Variants in ACADVL observed in about 807,000 individuals in gnomAD.
ACADVL encodes very long-chain acyl-CoA dehydrogenase, mitochondrial.
In ACADVL, 73 loss-of-function variants were observed where a neutral mutation model predicts 80.4. The observed-to-expected ratio is 0.91, with a 90% CI of 0.75 to 1.10. The LOEUF (loss-of-function observed/expected upper bound fraction) is 1.10, where lower values mean the gene tolerates loss of function less well. Ranked by LOEUF, ACADVL falls within the 50% of genes least tolerant of loss-of-function variation. The pLI, the probability that ACADVL is intolerant of heterozygous loss-of-function variation, is 0.00. For missense variants in ACADVL, 878 were observed against 858.9 expected, an observed-to-expected ratio of 1.02 and a Z score of -0.28; for synonymous variants, 392 against 326.5, an observed-to-expected ratio of 1.20 and a Z score of -2.16.
At position 7,223,705 on chromosome 17, in the gene ACADVL, C is replaced by T; in HGVS notation, c.1244C>T (p.Ala415Val). The T allele has an allele frequency of 3.1e-6, 5 of 1,614,150 alleles. No homozygotes were observed. The highest frequency in any genetic ancestry group is 3.4e-6 in the Non-Finnish European group (4 of 1,180,040). The change falls in exon 12 of 20, where the codon GCC becomes GTC. Residue 415 changes from alanine (A) to valine (V), a missense_variant. Coordinates refer to ENST00000356839, the MANE Select transcript of ACADVL (RefSeq NM_000018.4). ...GGAGCCACGGACTTCCAGATAGAGG[C>T]CGCCATCAGCAAAATCTTTGGCTCG... Reference protein sequence around the residue: ...DQGATDFQIEAAISKIFGSEA... With the variant: ...DQGATDFQIEVAISKIFGSEA...
At position 7,224,241 on chromosome 17, in the gene ACADVL, G is replaced by T; in HGVS notation, c.1530G>T (p.Arg510Ser). ...LLLGEAGKQL[R>S]RRAGLGSGLS... ...TAGGAGAGGCAGGCAAACAGCTGAG[G>T]CGGTAGGCTTAGGGCCAGAGCCAGG... is the stretch of plus-strand genomic sequence containing the variant. The change falls in exon 15 of 20, where the codon AGG becomes AGT. Residue 510 changes from arginine (R) to serine (S), a missense_variant and splice_region_variant. Physicochemically the swap from Arg to Ser is moderately radical, Grantham distance 110. Coordinates refer to ENST00000356839, the MANE Select transcript of ACADVL (RefSeq NM_000018.4). 6.2e-7 allele frequency: 1 copy of T among 1,613,876 alleles called. No individual in the cohort carries two copies. The highest frequency in any genetic ancestry group is 2.2e-5 in the East Asian group (1 of 44,880).
chr17:7,217,312 A>G, upstream of ACADVL: 1 of 690,618 alleles, frequency 1.4e-6, no homozygotes, highest in Non-Finnish European at 1.9e-6. Context: ...TGGAGAAGGG[A>G]AGGGGAGGGG....
At chr17:7,221,416 C>T in intron 6 of ACADVL, 122 bp from the exon 7 acceptor site, 1 of 1,453,684 alleles carries the variant, frequency 6.9e-7, no homozygotes, top group Non-Finnish European at 9.6e-7. Context: ...TGGCCCAGGT[C>T]AGGCACTGCC....
At chr17:7,219,845 G>A (rs2071094657), upstream of ACADVL, 8 of 1,538,290 alleles carry the variant, frequency 5.2e-6, no homozygotes, top group Non-Finnish European at 6.1e-6. Context: ...ACAGCTCCCA[G>A]CATGCCCCGG....
intron 10 of ACADVL, 102 bp downstream of exon 10, chr17:7,222,967 C>T: frequency 6.7e-7 from 1 of 1,490,016 alleles, no homozygotes; most frequent in Non-Finnish European, 9.2e-7. Context: ...ACACTAGAAA[C>T]TCCTCCCCTA....
chr17:7,219,834 T>C (rs1024676782), upstream of ACADVL: 29 of 1,537,336 alleles, frequency 1.9e-5, no homozygotes, highest in Non-Finnish European at 2.4e-5. Context: ...TCCAGGGAAC[T>C]ACAGCTCCCA....
At chr17:7,217,932 G>C, upstream of ACADVL, 1 of 1,043,066 alleles carries the variant, frequency 9.6e-7, no homozygotes, top group Non-Finnish European at 1.4e-6. Context: ...CGGGTGTGAG[G>C]GAGGAGCTGA....
rs2071198026 is a variant in ACADVL, at chr17:7,221,191, GT to G, written c.477+135del. On this transcript the variant is annotated intron_variant, in intron 6 of 19. Coordinates refer to ENST00000356839, the MANE Select transcript of ACADVL (RefSeq NM_000018.4). ...TGCCCTGGGTGCCTGTGGGATGGAT[GT>G]TAACTGTCCAAACATAACACAATTT... 2.8e-6 allele frequency: 4 copies of G among 1,441,962 alleles called. No individual in the cohort carries two copies. The Admixed American group carries it at 5.6e-5, about 20-fold the overall frequency. 89.3% of individuals were successfully genotyped at this position (1,441,962 alleles called of 1,614,324 possible). A position where few individuals can be genotyped will look rare whatever the true frequency, so the allele number is the denominator to read the frequency against.
In ACADVL at chr17:7,224,666, T is replaced by C; in HGVS notation, c.1703T>C (p.Leu568Pro). 7.6e-7 allele frequency: 1 copy of C among 1,308,696 alleles called. No individual in the cohort carries two copies. 81.1% of individuals were successfully genotyped at this position (1,308,696 alleles called of 1,614,324 possible). A position where few individuals can be genotyped will look rare whatever the true frequency, so the allele number is the denominator to read the frequency against. ...GATGAACAGTTTCTGCTGCAGCGGCTGGCAGACGGGGCCATCGACCTCTAT... is the reference window on the plus strand; with the variant it reads ...GATGAACAGTTTCTGCTGCAGCGGCCGGCAGACGGGGCCATCGACCTCTAT... ...IVNEQFLLQR[L>P]ADGAIDLYAM... is the part of the protein sequence containing the mutation. The change falls in exon 18 of 20, where the codon CTG becomes CCG. Residue 568 changes from leucine (L) to proline (P), a missense_variant. Physicochemically the swap from Leu to Pro is moderately conservative, Grantham distance 98. Coordinates refer to ENST00000356839, the MANE Select transcript of ACADVL (RefSeq NM_000018.4).
chr17:7,225,128 G>A lies in ACADVL; in HGVS notation c.*31G>A, dbSNP rs373996832. 1 of 1,613,732 alleles carries A rather than the reference G, an allele frequency of 6.2e-7. No homozygotes were observed. Among genetic ancestry groups the A allele is most frequent in the African/African-American group, 1.3e-5 (1 of 75,050 alleles). Reference sequence around the variant, plus strand: ...CCCGGCCAGGGCCTGTCCCAGTTATGTGCCTTCCCTCAAGCCAAAGCCGAA... The same window carrying A: ...CCCGGCCAGGGCCTGTCCCAGTTATATGCCTTCCCTCAAGCCAAAGCCGAA... On this transcript the variant is annotated 3_prime_UTR_variant, in exon 20 of 20. Transcript: ENST00000356839.
upstream of ACADVL, chr17:7,217,931 G>A (rs927384016): frequency 9.6e-7 from 1 of 1,041,034 alleles, no homozygotes; most frequent in Admixed American, 2.2e-5. Context: ...TCGGGTGTGA[G>A]GGAGGAGCTG....
chr17:7,218,527 A>T, upstream of ACADVL: 1 of 1,554,578 alleles, frequency 6.4e-7, no homozygotes. Context: ...TCCCTCAGAA[A>T]ACGGGCTACT....
At chr17:7,222,636 A>T (rs779559730) in intron 9 of ACADVL, 31 bp from the exon 10 acceptor site, 1 of 1,590,458 alleles carries the variant, frequency 6.3e-7, no homozygotes. Context: ...TGTTGAACAC[A>T]CCTCTGCTTT....
intron 11 of ACADVL, 177 bp from the exon 12 acceptor site, chr17:7,223,467 A>G: frequency 4.8e-6 from 4 of 838,896 alleles, no homozygotes; most frequent in South Asian, 2.7e-5. Context: ...CATCCCTTAC[A>G]TCCACCCCTT....
Position 7,221,017 on chromosome 17 carries a change from G to A in ACADVL, c.436G>A (p.Val146Met), listed in dbSNP as rs398123089. 6.2e-7 allele frequency: 1 copy of A among 1,614,076 alleles called. No homozygotes were observed. Among genetic ancestry groups the A allele is most frequent in the Non-Finnish European group, 8.5e-7 (1 of 1,180,026 alleles). ...LKELGAFGLQ[V>M]PSELGGVGLC... ...GGAGCTGGGGGCCTTTGGTCTGCAA[G>A]TGCCCAGTGAGCTGGGTGGTGTGGG... The change falls in exon 6 of 20, where the codon GTG (valine) becomes ATG (methionine). Residue 146 changes from valine to methionine, a missense_variant. Coordinates refer to ENST00000356839, the MANE Select transcript of ACADVL (RefSeq NM_000018.4).
In ACADVL at chr17:7,221,528, TC is replaced by T. The variant is rs2071224181; in HGVS notation, c.478-6del. 1 of 1,613,864 alleles carries T rather than the reference TC, an allele frequency of 6.2e-7. No homozygotes were observed. Among genetic ancestry groups the T allele is most frequent in the Non-Finnish European group, 8.5e-7 (1 of 1,180,006 alleles). On this transcript the variant is annotated splice_polypyrimidine_tract_variant and intron_variant, in intron 6 of 19. Coordinates refer to ENST00000356839, the MANE Select transcript of ACADVL (RefSeq NM_000018.4). ...CCAGTGACAACCCCAGATTCCTGCT[TC>T]CCCTCCAGTACGCCCGTTTGGTGGA...
upstream of ACADVL, chr17:7,219,937 C>G (rs773696021): frequency 1.5e-6 from 1 of 667,644 alleles, no homozygotes; most frequent in Non-Finnish European, 2.3e-6. Flanking sequence ...TGCAGGACGC[C>G]AGAGCTGGGT....
chr17:7,218,876 C>A, upstream of ACADVL: 1 of 1,613,074 alleles, frequency 6.2e-7, no homozygotes, highest in South Asian at 1.1e-5. Context: ...TTTAATCTCC[C>A]TAATCCTCCA....
chr17:7,222,994 C>A, intron 10 of ACADVL, 129 bp downstream of exon 10: 1 of 1,445,750 alleles, frequency 6.9e-7, no homozygotes, highest in Non-Finnish European at 9.6e-7. Flanking sequence ...GCCCGACTTG[C>A]TAGCTTAGGT....
Sources: allele counts gnomAD v4.1 joint callset, GRCh38; gene constraint gnomAD v4.1.1; transcripts MANE v1.5; gene names NCBI Gene and HGNC (gene_info 2026-07-23, HGNC 2026-07-21).